Variants in UST observed in about 807,000 individuals in gnomAD.
UST encodes uronyl 2-sulfotransferase, also known as chondroitin sulfate 2-O-sulfotransferase.
Under a neutral mutation model 45.6 loss-of-function variants are expected in UST, and 21 were observed. That is an observed-to-expected ratio of 0.46 (90% confidence interval 0.33 to 0.66). The LOEUF is 0.66. Among genes scored for constraint, UST ranks in the 30% least tolerant of loss-of-function variants. UST has a pLI of 0.02. For missense variants in UST, 463 were observed against 512.4 expected (o/e 0.90, Z 0.93); for synonymous variants, 215 against 200.6 (o/e 1.07, Z -0.61).
chr6:148,837,895 G>A (rs1777818212), intron 1 of UST, among the ~76,000 whole-genome samples: 1 of 152,110 alleles, frequency 6.6e-6, no homozygotes, highest in South Asian at 2.1e-4. Context: ...TAGAGACGGG[G>A]TTTCGCCATG....
At chr6:148,760,982 A>G (rs1776206816) in intron 1 of UST, among the ~76,000 whole-genome samples, 1 of 152,200 alleles carries the variant, frequency 6.6e-6, no homozygotes, top group Non-Finnish European at 1.5e-5. Context: ...AGAACTGAAC[A>G]GTTTTCCAGT....
intron 5 of UST, among the ~76,000 whole-genome samples, chr6:149,007,060 C>T (rs12214448): frequency 0.36 from 53,916 of 150,500 alleles, 10,133 homozygotes; most frequent in Non-Finnish European, 0.42. Flanking sequence ...TTCATGCATT[C>T]AACTACTGTT....
chr6:148,986,198 C>T (rs985604945), intron 5 of UST, among the ~76,000 whole-genome samples: 13 of 152,162 alleles, frequency 8.5e-5, no homozygotes, highest in African/African-American at 2.7e-4. Flanking sequence ...GTGATAAAAT[C>T]GAACAAAGCA....
chr6:148,765,473 T>C (rs1307332366), intron 1 of UST, among the ~76,000 whole-genome samples: 1 of 152,240 alleles, frequency 6.6e-6, no homozygotes, highest in East Asian at 1.9e-4. Context: ...ATATAAATTT[T>C]AGGATTGTTT....
intron 1 of UST, among the ~76,000 whole-genome samples, chr6:148,756,390 G>A (rs1776099836): frequency 6.6e-6 from 1 of 152,120 alleles, no homozygotes; most frequent in Non-Finnish European, 1.5e-5. Flanking sequence ...CCCACTCTCA[G>A]GTATGTCCTT....
At chr6:148,788,507 A>G (rs773469269) in intron 1 of UST, among the ~76,000 whole-genome samples, 25 of 152,236 alleles carry the variant, frequency 1.6e-4, no homozygotes, top group Admixed American at 7.9e-4. Context: ...CTGTTATGCT[A>G]TAATTCATTT....
chr6:148,834,717 A>G (rs1339465327), intron 1 of UST, among the ~76,000 whole-genome samples: 2 of 152,200 alleles, frequency 1.3e-5, no homozygotes, highest in Non-Finnish European at 2.9e-5. Context: ...CAATAGAGAG[A>G]GATCCTGTTT....
intron 7 of UST, among the ~76,000 whole-genome samples, chr6:149,047,671 A>G (rs1776414041): frequency 1.3e-5 from 2 of 152,250 alleles, no homozygotes; most frequent in East Asian, 1.9e-4. Flanking sequence ...TTTGGGAACA[A>G]CAACAACCAA....
chr6:148,753,317 C>T (rs9498148), intron 1 of UST, among the ~76,000 whole-genome samples: 5,075 of 152,176 alleles, frequency 0.033, 106 homozygotes, highest in Non-Finnish European at 0.041. Context: ...CCTAAGCAAC[C>T]GCTAATTTAC....
intron 1 of UST, among the ~76,000 whole-genome samples, chr6:148,791,483 C>T (rs1268655673): frequency 1.3e-5 from 2 of 152,108 alleles, no homozygotes; most frequent in Non-Finnish European, 2.9e-5. Flanking sequence ...ATAAGAAGTG[C>T]GTAGGGTCAG....
In UST at chr6:148,880,169, A is replaced by G. The variant is rs1285883854; in HGVS notation, c.248-6817A>G. 1.3e-5 allele frequency among the ~76,000 whole-genome samples: 2 copies of G among 151,924 alleles called. 1 individual carries two copies. Among genetic ancestry groups the G allele is most frequent in the Non-Finnish European group, 2.9e-5 (2 of 67,934 alleles). On this transcript the variant is annotated intron_variant, in intron 1 of 7. Coordinates refer to ENST00000367463, the MANE Select transcript of UST (RefSeq NM_005715.3). ...GGGGTTTCACCATGTTGGCCAGGCTAGTGTCAAACTCCTGACCTCAGGTGA... is the reference window on the plus strand; with the variant it reads ...GGGGTTTCACCATGTTGGCCAGGCTGGTGTCAAACTCCTGACCTCAGGTGA...
intron 1 of UST, among the ~76,000 whole-genome samples, chr6:148,847,421 A>T (rs974762167): frequency 6.6e-6 from 1 of 152,226 alleles, no homozygotes; most frequent in South Asian, 2.1e-4. Flanking sequence ...GGGCCGCCCA[A>T]GGTTCCTTGC....
chr6:148,836,405 C>A (rs928517144), intron 1 of UST, among the ~76,000 whole-genome samples: 4 of 152,162 alleles, frequency 2.6e-5, no homozygotes, highest in African/African-American at 9.7e-5. Flanking sequence ...TTTCATAGGA[C>A]CTACTTGGCA....
chr6:149,035,251 C>A (rs1470532205), intron 7 of UST, among the ~76,000 whole-genome samples: 4 of 152,024 alleles, frequency 2.6e-5, no homozygotes. Flanking sequence ...TATATAACAT[C>A]TTGTTCTTGT....
intron 1 of UST, among the ~76,000 whole-genome samples, chr6:148,762,838 A>G (rs1776246869): frequency 6.6e-6 from 1 of 152,180 alleles, no homozygotes; most frequent in Admixed American, 6.5e-5. Context: ...AATGGTCTTC[A>G]GCTCCATTCC....
At chr6:149,003,689 T>C (rs6910931) in intron 5 of UST, among the ~76,000 whole-genome samples, 8,344 of 152,302 alleles carry the variant, frequency 0.055, 646 homozygotes, top group African/African-American at 0.18. Context: ...CTGTAGACTT[T>C]TATTCGCCTA....
At chr6:149,045,073 T>G (rs1776379065) in intron 7 of UST, among the ~76,000 whole-genome samples, 1 of 152,196 alleles carries the variant, frequency 6.6e-6, no homozygotes, top group African/African-American at 2.4e-5. Flanking sequence ...AGCACTGCTT[T>G]TATAATCTAG....
chr6:148,944,229 A>G (rs1431804693), intron 3 of UST, among the ~76,000 whole-genome samples: 2 of 152,154 alleles, frequency 1.3e-5, no homozygotes, highest in Non-Finnish European at 2.9e-5. Context: ...TTCCCATAGA[A>G]TCATTGTCCT....
rs373816508 is a variant in UST at position 149,073,931 on chromosome 6, G to A, written c.1036G>A (p.Glu346Lys). The change falls in exon 8 of 8, where the codon GAG (glutamate) becomes AAG (lysine). Residue 346 changes from glutamate (E) to lysine (K), a missense_variant. Transcript: ENST00000367463. ...CTACCAGCGGATGAGATACGAGTAC[G>A]AGTTTTACCACTACGTCAAAGAGCA... ...ILYQRMRYEYEFYHYVKEQFH... is the reference protein window; with the variant it reads ...ILYQRMRYEYKFYHYVKEQFH... 28 of 1,614,030 alleles carry A rather than the reference G, an allele frequency of 1.7e-5. No individual in the cohort carries two copies. Among genetic ancestry groups the A allele is most frequent in the South Asian group, 6.6e-5 (6 of 91,080 alleles).
Sources: gnomAD v4.1 joint callset for allele counts (sites outside exome capture counted in the v4.1 genomes callset) on GRCh38, gnomAD v4.1.1 for gene constraint, MANE v1.5 for transcripts, NCBI Gene and HGNC (gene_info 2026-07-23, HGNC 2026-07-21) for gene names.